The following ATG10 variants were observed in gnomAD, a reference collection of about 807,000 sequenced individuals.
ATG10 encodes the protein autophagy related 10, also known as ubiquitin-like-conjugating enzyme ATG10.
A neutral mutation model predicts 32.1 loss-of-function variants in ATG10; 30 were observed. The ratio of observed to expected loss-of-function variants is 0.94; its 90% CI spans 0.70 to 1.27. The LOEUF (loss-of-function observed/expected upper bound fraction) is 1.27, where lower values mean the gene tolerates loss of function less well. Ranked by LOEUF, ATG10 falls within the 50% of genes most tolerant of loss-of-function variation. The pLI is 0.00. For synonymous variants in ATG10, 87 were observed against 91.5 expected, an observed-to-expected ratio of 0.95 and a Z score of 0.28; for missense variants, 233 against 262.3, an observed-to-expected ratio of 0.89 and a Z score of 0.77.
chr5:82,097,795 C>T (rs1033353475), intron 3 of ATG10, among the ~76,000 whole-genome samples: 9 of 152,204 alleles, frequency 5.9e-5, no homozygotes, highest in East Asian at 1.9e-4. Flanking sequence ...TGTCATTTAC[C>T]GTACCCCAAA....
chr5:82,182,731 A>G lies in ATG10; in HGVS notation c.453+4144A>G, dbSNP rs546563298. Among the ~76,000 whole-genome samples, 174 of 152,210 alleles carry G rather than the reference A, an allele frequency of 1.1e-3. 2 individuals are homozygous for G. The highest frequency in any genetic ancestry group is 2.2e-3 in the Admixed American group (34 of 15,266). On this transcript the variant is annotated intron_variant, in intron 5 of 7. Transcript: ENST00000282185. The stretch of plus-strand genomic sequence containing the variant: ...TGATAGGGAGTGTGAATGGGAGGGA[A>G]ATGGCTGTGGCTATTAAAGGCAACG...
At chr5:82,168,917 C>T (rs545412592) in intron 4 of ATG10, among the ~76,000 whole-genome samples, 2 of 152,056 alleles carry the variant, frequency 1.3e-5, no homozygotes, top group East Asian at 1.9e-4. Context: ...TGGAGGAAGC[C>T]GAAGAATAAA....
intron 3 of ATG10, among the ~76,000 whole-genome samples, chr5:82,107,605 A>G (rs1336361811): frequency 2.0e-5 from 3 of 152,122 alleles, no homozygotes; most frequent in Non-Finnish European, 4.4e-5. Context: ...TTTTTACTGT[A>G]TAGTTTTAAC....
chr5:81,973,593 T>C (rs747355207), intron 1 of ATG10, among the ~76,000 whole-genome samples: 6 of 152,240 alleles, frequency 3.9e-5, no homozygotes, highest in East Asian at 3.8e-4. Flanking sequence ...TTTATAACTT[T>C]TGTTATTGGA....
intron 5 of ATG10, among the ~76,000 whole-genome samples, chr5:82,238,550 T>C (rs1014707177): frequency 6.6e-6 from 1 of 152,190 alleles, no homozygotes; most frequent in Non-Finnish European, 1.5e-5. Flanking sequence ...TTTTATGTAT[T>C]TCTAGTACCT....
At chr5:82,059,658 A>AGCTT (rs1561278378) in intron 3 of ATG10, among the ~76,000 whole-genome samples, 2 of 152,192 alleles carry the variant, frequency 1.3e-5, no homozygotes, top group African/African-American at 4.8e-5. Context: ...AAAGAGGTGA[A>AGCTT]TTTTTGTGTG....
chr5:82,027,220 G>A (rs1264911218), intron 2 of ATG10, among the ~76,000 whole-genome samples: 2 of 152,020 alleles, frequency 1.3e-5, no homozygotes, highest in South Asian at 4.1e-4. Context: ...GCAACGTAGT[G>A]TGACCTCTTC....
intron 5 of ATG10, among the ~76,000 whole-genome samples, chr5:82,209,525 G>T (rs1318927407): frequency 6.6e-6 from 1 of 152,178 alleles, no homozygotes; most frequent in Non-Finnish European, 1.5e-5. Flanking sequence ...CAAGCACCAT[G>T]TGTGTTGGTA....
At position 82,100,000 on chromosome 5, in the gene ATG10, G is replaced by GTTTTTTTTTTTTTTTTTTTTTTTTT. The variant is rs869311526; in HGVS notation, c.216+41400_216+41424dup. Among the ~76,000 whole-genome samples the GTTTTTTTTTTTTTTTTTTTTTTTTT allele has an allele frequency of 3.7e-4, 22 of 58,942 alleles. 3 individuals are homozygous for GTTTTTTTTTTTTTTTTTTTTTTTTT. The highest frequency in any genetic ancestry group is 5.3e-4 in the Non-Finnish European group (17 of 32,138). 38.7% of individuals were successfully genotyped at this position (58,942 alleles called of 152,430 possible). ...CTGATTTCTTTCTTTCTTTTTCTGT[G>GTTTTTTTTTTTTTTTTTTTTTTTTT]TTTTTTTTTTTTTTTTTTTTTTTTT... On this transcript the variant is annotated intron_variant, in intron 3 of 7. Coordinates refer to ENST00000282185, the MANE Select transcript of ATG10 (RefSeq NM_031482.5).
chr5:82,136,874 C>T (rs1766777702), intron 3 of ATG10, among the ~76,000 whole-genome samples: 1 of 152,184 alleles, frequency 6.6e-6, no homozygotes, highest in Non-Finnish European at 1.5e-5. Flanking sequence ...GATCTTTTCA[C>T]ATAGTCCCAT....
At chr5:82,175,663 T>TG (rs1488217522) in intron 4 of ATG10, among the ~76,000 whole-genome samples, 11 of 152,302 alleles carry the variant, frequency 7.2e-5, no homozygotes, top group African/African-American at 2.6e-4. Context: ...TACCCAGCCC[T>TG]GGTGGTCTTT....
Position 82,164,388 on chromosome 5 carries a change from C to G in ATG10, c.217-11C>G, listed in dbSNP as rs963186867. ...GAAACCCGTTTTCGTTTTGTTTTTG[C>G]TTTTTTTTAGGAGGCTTTCGAGCTA... On this transcript the variant is annotated splice_polypyrimidine_tract_variant and intron_variant, in intron 3 of 7. Coordinates refer to ENST00000282185, the MANE Select transcript of ATG10 (RefSeq NM_031482.5). 7 of 1,610,632 alleles carry G rather than the reference C, an allele frequency of 4.3e-6. No homozygotes were observed. The African/African-American group carries it at 8.0e-5, about 19-fold the overall frequency.
At chr5:82,225,888 A>G (rs1746112121) in intron 5 of ATG10, among the ~76,000 whole-genome samples, 1 of 152,214 alleles carries the variant, frequency 6.6e-6, no homozygotes, top group East Asian at 1.9e-4. Context: ...GTCTGATACT[A>G]ACTTCTAGCT....
chr5:82,236,169 T>C (rs1746544082), intron 5 of ATG10, among the ~76,000 whole-genome samples: 1 of 152,180 alleles, frequency 6.6e-6, no homozygotes. Flanking sequence ...AGTCTTATCA[T>C]CATGCCTGAC....
chr5:82,064,466 TAGAG>T (rs1434808643), intron 3 of ATG10, among the ~76,000 whole-genome samples: 1 of 152,160 alleles, frequency 6.6e-6, no homozygotes, highest in Non-Finnish European at 1.5e-5. Context: ...TTTGTGGAGT[TAGAG>T]AGTACTATTT....
At chr5:82,020,049 GA>G (rs1338562356) in intron 2 of ATG10, among the ~76,000 whole-genome samples, 1 of 152,186 alleles carries the variant, frequency 6.6e-6, no homozygotes, top group Non-Finnish European at 1.5e-5. Flanking sequence ...CCCCATGGGG[GA>G]GTTAGCAGCT....
intron 5 of ATG10, among the ~76,000 whole-genome samples, chr5:82,183,208 T>A (rs186728779): frequency 6.6e-6 from 1 of 152,256 alleles, no homozygotes; most frequent in East Asian, 1.9e-4. Flanking sequence ...ATGTTTAAAT[T>A]TCCCAAGTTC....
intron 5 of ATG10, among the ~76,000 whole-genome samples, chr5:82,203,456 A>G (rs574934263): frequency 6.6e-6 from 1 of 152,304 alleles, no homozygotes; most frequent in East Asian, 1.9e-4. Flanking sequence ...TTAACTTTTC[A>G]GAGTCATAGG....
At chr5:81,985,541 C>G (rs1409102606) in intron 1 of ATG10, among the ~76,000 whole-genome samples, 1 of 145,080 alleles carries the variant, frequency 6.9e-6, no homozygotes, top group East Asian at 1.9e-4. Context: ...CCAAATTAAA[C>G]CCAACTCTCT....
Sources: allele counts gnomAD v4.1 joint callset (sites outside exome capture counted in the v4.1 genomes callset), GRCh38; gene constraint gnomAD v4.1.1; transcripts MANE v1.5; gene names NCBI Gene and HGNC (gene_info 2026-07-23, HGNC 2026-07-21).